MPND: variants seen among roughly 807,000 people sequenced by gnomAD.
MPND encodes the protein MPN domain-containing protein.
A neutral mutation model predicts 59.2 loss-of-function variants in MPND; 56 were observed. The ratio of observed to expected loss-of-function variants is 0.95; its 90% CI spans 0.76 to 1.18. The LOEUF (loss-of-function observed/expected upper bound fraction) is 1.18, where lower values mean the gene tolerates loss of function less well. Ranked by LOEUF, MPND falls within the 50% of genes most tolerant of loss-of-function variation. The pLI is 0.00. For missense variants in MPND, 671 were observed against 676.0 expected (o/e 0.99, Z 0.08); for synonymous variants, 323 against 291.9 (o/e 1.11, Z -1.09).
Position 4,357,390 on chromosome 19 carries a change from T to C in MPND, c.1134T>C (p.Asn378=), listed in dbSNP as rs1461132011. The change falls in exon 9 of 13, where the codon AAT becomes AAC. Residue 378 remains asparagine, a synonymous_variant. Transcript: ENST00000599840. ...DYQLRLQGSS[N]GFQPCLALLC... is the part of the protein sequence containing the mutation. ...AGCTGCGGCTGCAGGGCTCCAGCAA[T>C]GGCTTCCAGCCCTGCCTCGCCCTGC... The C allele has an allele frequency of 6.2e-7, 1 of 1,611,228 alleles. No homozygotes were observed. The highest frequency in any genetic ancestry group is 1.7e-5 in the Admixed American group (1 of 59,936).
chr19:4,347,448 C>T (rs1972211110), intron 3 of MPND: 1 of 153,330 alleles, frequency 6.5e-6, no homozygotes, highest in Non-Finnish European at 1.5e-5. Flanking sequence ...ACCGTGTTAG[C>T]CAGGATGATC....
At chr19:4,354,525 C>A in intron 6 of MPND, 105 bp downstream of exon 6, 1 of 952,010 alleles carries the variant, frequency 1.1e-6, no homozygotes, top group Non-Finnish European at 1.6e-6. Flanking sequence ...GGGGCCTTGT[C>A]TGCTTTGTTT....
chr19:4,352,529 A>G (rs1488515765), intron 3 of MPND, among the ~76,000 whole-genome samples: 4 of 151,896 alleles, frequency 2.6e-5, no homozygotes, highest in Non-Finnish European at 5.9e-5. Context: ...TACTAAGAAT[A>G]CAAAATTAGC....
Position 4,343,867 on chromosome 19 carries a change from G to GCGGGGC in MPND, c.174_179dup (p.Ala60_Gly61dup). 1 of 1,220,082 alleles carries GCGGGGC rather than the reference G, an allele frequency of 8.2e-7. No homozygotes were observed. The highest frequency in any genetic ancestry group is 3.4e-5 in the East Asian group (1 of 29,496). The allele number at this position is 1,220,082 out of a possible 1,614,324, so 75.6% of individuals were successfully genotyped here. A position where few individuals can be genotyped will look rare whatever the true frequency, so the allele number is the denominator to read the frequency against. ...AGCGTCAGCGGAGGAGGCGGCGGCG[G>GCGGGGC]CGGGGCCGGGGCGGGGGGCTGCGGC... On this transcript the variant is annotated inframe_insertion, in exon 2 of 13. Coordinates refer to ENST00000599840, the MANE Select transcript of MPND (RefSeq NM_001300862.2).
chr19:4,351,629 G>A (rs1378588112), intron 3 of MPND, among the ~76,000 whole-genome samples: 4 of 151,892 alleles, frequency 2.6e-5, no homozygotes, highest in African/African-American at 4.8e-5. Context: ...TTGGGTGGCC[G>A]AGATGGGCAA....
At chr19:4,346,070 A>G in intron 3 of MPND, 89 bp downstream of exon 3, 2 of 1,095,756 alleles carry the variant, frequency 1.8e-6, no homozygotes, top group East Asian at 2.6e-5. Flanking sequence ...CGGAGGAGGT[A>G]TTAGTAATAT....
At position 4,354,434 on chromosome 19, in the gene MPND, C is replaced by T. The variant is rs886579433; in HGVS notation, c.846+14C>T. On this transcript the variant is annotated intron_variant, in intron 6 of 12. Transcript: ENST00000599840. ...CTGTTCCTGCTGGTGTGTGGCCCAC[C>T]CTGTCTAGGGGCAAGGGGCTCCGGA... 4.5e-6 allele frequency: 7 copies of T among 1,551,950 alleles called. No homozygotes were observed. The African/African-American group carries it at 8.2e-5, about 18-fold the overall frequency.
chr19:4,358,025 C>T, intron 10 of MPND, 58 bp from the exon 11 acceptor site: 1 of 1,436,076 alleles, frequency 7.0e-7, no homozygotes, highest in Non-Finnish European at 9.6e-7. Flanking sequence ...CAATTGTCCC[C>T]AGCTGCCATG....
intron 9 of MPND, 23 bp from the exon 10 acceptor site, chr19:4,357,492 C>T (rs766624153): frequency 6.2e-7 from 1 of 1,611,894 alleles, no homozygotes. Context: ...CCAGGGCCAA[C>T]CCCTCTCCCT....
chr19:4,357,752 G>A (rs2144839889), intron 10 of MPND, 167 bp downstream of exon 10: 1 of 689,800 alleles, frequency 1.4e-6, no homozygotes, highest in Non-Finnish European at 2.4e-6. Flanking sequence ...TTTTGGTGAG[G>A]TCCTGGGCGT....
At chr19:4,356,003 G>A (rs1293807710) in intron 8 of MPND, among the ~76,000 whole-genome samples, 2 of 151,592 alleles carry the variant, frequency 1.3e-5, no homozygotes, top group African/African-American at 2.4e-5. Flanking sequence ...ACAGGTGTGC[G>A]CCACCATCTC....
chr19:4,355,546 A>G (rs896560934), intron 8 of MPND, among the ~76,000 whole-genome samples: 16 of 152,148 alleles, frequency 1.1e-4, no homozygotes, highest in Non-Finnish European at 2.1e-4. Context: ...CGCGTTAGCC[A>G]GGATGGTCTC....
rs765112581 is a variant in MPND, at chr19:4,352,877, C to T, written c.532-20C>T. On this transcript the variant is annotated intron_variant, in intron 3 of 12. Transcript: ENST00000599840. The stretch of plus-strand genomic sequence containing the variant: ...CCAGCTGAGGGTCCCACCGCTGTCC[C>T]TGACCCCTAACCCCTGCAGAGCCCA... 56 of 1,337,404 alleles carry T rather than the reference C, an allele frequency of 4.2e-5. No homozygotes were observed. Among genetic ancestry groups the T allele is most frequent in the Non-Finnish European group, 3.9e-6 (4 of 1,033,650 alleles). 82.8% of individuals were successfully genotyped at this position (1,337,404 alleles called of 1,614,324 possible).
At chr19:4,353,267 T>C (rs1972362390) in intron 4 of MPND, among the ~76,000 whole-genome samples, 3 of 152,104 alleles carry the variant, frequency 2.0e-5, no homozygotes, top group Non-Finnish European at 2.9e-5. Context: ...TTTTATTTTA[T>C]ATATTTATTT....
chr19:4,351,678 C>T (rs560747554), intron 3 of MPND, among the ~76,000 whole-genome samples: 18 of 151,274 alleles, frequency 1.2e-4, no homozygotes, highest in East Asian at 3.9e-4. Flanking sequence ...CTGGCTAACA[C>T]GGTGAAACCC....
intron 3 of MPND, among the ~76,000 whole-genome samples, chr19:4,350,172 G>A (rs1035171006): frequency 1.3e-5 from 2 of 152,096 alleles, no homozygotes; most frequent in African/African-American, 4.8e-5. Context: ...CTGAGAAACA[G>A]CCTCTGCAAA....
At chr19:4,359,868 T>C in intron 12 of MPND, 48 bp from the exon 13 acceptor site, 1 of 1,469,352 alleles carries the variant, frequency 6.8e-7, no homozygotes, top group Non-Finnish European at 9.3e-7. Flanking sequence ...GGCGCAGGGC[T>C]GGCTAGGACC....
rs1346487062 is a variant in MPND at position 4,357,321 on chromosome 19, G to A, written c.1065G>A (p.Pro355=). 40 of 1,613,042 alleles carry A rather than the reference G, an allele frequency of 2.5e-5. No homozygotes were observed. Among genetic ancestry groups the A allele is most frequent in the East Asian group, 8.9e-5 (4 of 44,894 alleles). Residue 355 remains proline, a synonymous_variant, in exon 9 of 13, where the codon CCG becomes CCA. Transcript: ENST00000599840. ...GGTACCACAGCCACCCACACAGCCC[G>A]GCGCTGCCATCTCTGCAGGACATCG... ...VGWYHSHPHS[P]ALPSLQDIDA... is the part of the protein sequence containing the mutation.
rs748752148 is a variant in MPND, at chr19:4,354,975, T to C, written c.873T>C (p.Ser291=). The C allele has an allele frequency of 2.1e-5, 33 of 1,581,022 alleles. 1 individual carries two copies. In the African/African-American group the frequency reaches 3.5e-4, roughly 17 times the overall value. The part of the protein sequence containing the change: ...LLDFHSHLTR[S]EVVGYLGGRW... ...ACTTCCACAGTCACCTGACACGGAG[T>C]GAGGTCGTGGGTTACCTGGGGGGCC... is the stretch of plus-strand genomic sequence containing the variant. Residue 291 remains serine, a synonymous_variant, in exon 7 of 13, where the codon AGT becomes AGC. Coordinates refer to ENST00000599840, the MANE Select transcript of MPND (RefSeq NM_001300862.2).
Sources: gnomAD v4.1 joint callset for allele counts (sites outside exome capture counted in the v4.1 genomes callset) on GRCh38, gnomAD v4.1.1 for gene constraint, MANE v1.5 for transcripts, NCBI Gene and HGNC (gene_info 2026-07-23, HGNC 2026-07-21) for gene names.